LMNA: variants seen among roughly 807,000 people sequenced by gnomAD.
LMNA encodes the protein lamin.
LMNA carries 20 observed loss-of-function variants against 70.4 expected under a neutral mutation model. The observed-to-expected ratio is 0.28, with a 90% CI of 0.20 to 0.41. The LOEUF is 0.41. Ranked by LOEUF, LMNA falls within the 10% of genes least tolerant of loss-of-function variation. The pLI is 1.00. For missense variants in LMNA, 652 were observed against 917.2 expected (o/e 0.71, Z 3.73); for synonymous variants, 339 against 372.8 (o/e 0.91, Z 1.04).
chr1:156,136,253 T>C lies in LMNA; in HGVS notation c.1197T>C (p.Arg399=), dbSNP rs749284229. 6.2e-7 allele frequency: 1 copy of C among 1,612,020 alleles called. No individual in the cohort carries two copies. Among genetic ancestry groups the C allele is most frequent in the Non-Finnish European group, 8.5e-7 (1 of 1,180,022 alleles). The change falls in exon 7 of 12, where the codon CGT becomes CGC. Residue 399 remains arginine, a synonymous_variant. Transcript: ENST00000368300. This position sits in a 1 kb window ranked among gnomAD's most constrained non-coding sequence, Gnocchi z 6.1. ...CCAGCCCTACCTCGCAGCGCAGCCGTGGCCGTGCTTCCTCTCACTCATCCC... is the reference window on the plus strand; with the variant it reads ...CCAGCCCTACCTCGCAGCGCAGCCGCGGCCGTGCTTCCTCTCACTCATCCC... ...LSPSPTSQRS[R]GRASSHSSQT... is the part of the protein sequence containing the mutation.
rs747473102 is a variant in LMNA at position 156,135,338 on chromosome 1, C to T, written c.936+26C>T. The T allele has an allele frequency of 5.6e-6, 9 of 1,609,784 alleles. No homozygotes were observed. The East Asian group carries it at 1.6e-4, about 28-fold the overall frequency. ...GTGATACCCCACCTCACCCCTCTCTCCAGGGGCCTAGAGTCTGGGCCGGAT... is the reference window on the plus strand; with the variant it reads ...GTGATACCCCACCTCACCCCTCTCTTCAGGGGCCTAGAGTCTGGGCCGGAT... On this transcript the variant is annotated intron_variant, in intron 5 of 11. Coordinates refer to ENST00000368300, the MANE Select transcript of LMNA (RefSeq NM_170707.4). This position sits in a 1 kb window ranked among gnomAD's most constrained non-coding sequence, Gnocchi z 4.8.
intron 1 of LMNA, chr1:156,126,560 GC>G: frequency 3.9e-6 from 3 of 774,772 alleles, no homozygotes; most frequent in Non-Finnish European, 7.0e-6. Flanking sequence ...TCCCCAAACA[GC>G]CCCAAGGGCC....
At position 156,134,406 on chromosome 1, in the gene LMNA, G is replaced by A; in HGVS notation, c.517G>A (p.Glu173Lys). The A allele has an allele frequency of 6.2e-7, 1 of 1,614,084 alleles. No homozygotes were observed. Among genetic ancestry groups the A allele is most frequent in the Non-Finnish European group, 8.5e-7 (1 of 1,180,020 alleles). The change falls in exon 3 of 12, where the codon GAG (glutamate) becomes AAG (lysine). Residue 173 changes from glutamate to lysine, a missense_variant. Glu to Lys is a moderately conservative substitution (Grantham distance 56). Coordinates refer to ENST00000368300, the MANE Select transcript of LMNA (RefSeq NM_170707.4). The surrounding 1 kb of genome is among the most constrained non-coding windows in gnomAD (Gnocchi z 5.3). ...HDLRGQVAKL[E>K]AALGEAKKQL... ...ATCTCTGCCTGCTTCCTCACAGCTT[G>A]AGGCAGCCCTAGGTGAGGCCAAGAA...
intron 2 of LMNA, among the ~76,000 whole-genome samples, chr1:156,090,251 G>A (rs1648646853): frequency 6.6e-6 from 1 of 152,164 alleles, no homozygotes; most frequent in Non-Finnish European, 1.5e-5. Flanking sequence ...GAATGAGTAG[G>A]GGAATGAGTG....
Position 156,139,854 on chromosome 1 carries a change from T to G in LMNA, c.*748T>G. On this transcript the variant is annotated 3_prime_UTR_variant, in exon 12 of 12. Coordinates refer to ENST00000368300, the MANE Select transcript of LMNA (RefSeq NM_170707.4). ...GCCTTCCCTAGCTTTAGACCCTGGG[T>G]GGGCTCTGTGCAGTCACTGGAGGTT... is the stretch of plus-strand genomic sequence containing the variant. 6.6e-7 allele frequency: 1 copy of G among 1,507,094 alleles called. No homozygotes were observed. 93.4% of individuals were successfully genotyped at this position (1,507,094 alleles called of 1,614,324 possible).
rs1169412131 is a variant in LMNA, at chr1:156,134,108, C to G, written c.514-295C>G. On this transcript the variant is annotated intron_variant, in intron 2 of 11. Transcript: ENST00000368300. This position sits in a 1 kb window ranked among gnomAD's most constrained non-coding sequence, Gnocchi z 5.3. ...CTCGGCTCACTGCAACCTCCACCTC[C>G]TGGATTCAAGCGATTCTTGTGCCTC... Among the ~76,000 whole-genome samples, 1 of 152,168 alleles carries G rather than the reference C, an allele frequency of 6.6e-6. No individual in the cohort carries two copies. Among genetic ancestry groups the G allele is most frequent in the Non-Finnish European group, 1.5e-5 (1 of 67,998 alleles).
chr1:156,137,259 G>A lies in LMNA; in HGVS notation c.1608+27G>A. 6.5e-7 allele frequency: 1 copy of A among 1,547,734 alleles called. No homozygotes were observed. The highest frequency in any genetic ancestry group is 8.7e-7 in the Non-Finnish European group (1 of 1,151,328). ...TAAGTAGGCCTGGGCCTGGCTGCTT[G>A]CTGGACGAGGCTCCCCCTGATGGCC... On this transcript the variant is annotated intron_variant, in intron 9 of 11. Transcript: ENST00000368300. This position sits in a 1 kb window ranked among gnomAD's most constrained non-coding sequence, Gnocchi z 4.6.
chr1:156,103,521 T>C lies in LMNA; in HGVS notation c.-206-11192T>C, dbSNP rs577220491. On this transcript the variant is annotated intron_variant, in intron 3 of 12. Coordinates refer to the LMNA transcript ENST00000368301. This position sits in a 1 kb window ranked among gnomAD's most constrained non-coding sequence, Gnocchi z 4.7. ...AAATGGGTGGGAACCTTAAGGATGG[T>C]GGGCAGATGGTGGCCCCCTTGAGGA... 3.9e-5 allele frequency among the ~76,000 whole-genome samples: 6 copies of C among 151,998 alleles called. No homozygotes were observed. Among genetic ancestry groups the C allele is most frequent in the Non-Finnish European group, 7.4e-5 (5 of 67,968 alleles).
intron 1 of LMNA, among the ~76,000 whole-genome samples, chr1:156,129,382 C>A (rs1285235552): frequency 6.6e-6 from 1 of 152,206 alleles, no homozygotes; most frequent in Admixed American, 6.5e-5. Flanking sequence ...GCAAATCTAG[C>A]CTTCCCTATC....
intron 3 of LMNA, among the ~76,000 whole-genome samples, chr1:156,092,569 C>T (rs1345834065): frequency 1.3e-5 from 2 of 151,480 alleles, no homozygotes; most frequent in African/African-American, 4.9e-5. Flanking sequence ...ATCCCAGCTA[C>T]TTGGGAGGCT....
upstream of LMNA, among the ~76,000 whole-genome samples, chr1:156,112,081 G>A (rs1345746209): frequency 6.6e-6 from 1 of 152,158 alleles, no homozygotes; most frequent in Non-Finnish European, 1.5e-5. Context: ...GTGAAATTTG[G>A]GGTGAAAGCC....
In LMNA at chr1:156,130,737, G is replaced by A. The variant is rs1424758064; in HGVS notation, c.477G>A (p.Glu159=). ...STALSEKRTL[E]GELHDLRGQV... Reference sequence around the variant, plus strand: ...CTCTCAGTGAGAAGCGCACGCTGGAGGGCGAGCTGCATGATCTGCGGGGCC... The same window carrying A: ...CTCTCAGTGAGAAGCGCACGCTGGAAGGCGAGCTGCATGATCTGCGGGGCC... The change falls in exon 2 of 12, where the codon GAG becomes GAA. Residue 159 remains glutamate (E), a synonymous_variant. Coordinates refer to ENST00000368300, the MANE Select transcript of LMNA (RefSeq NM_170707.4). The A allele has an allele frequency of 1.9e-6, 3 of 1,605,744 alleles. No homozygotes were observed. The African/African-American group carries it at 4.0e-5, about 21-fold the overall frequency.
At position 156,135,114 on chromosome 1, in the gene LMNA, T is replaced by A; in HGVS notation, c.811-73T>A. ...GGCCCAGGACCTGGGGCTGTAGCAG[T>A]GATGCCCAACTCAGGCCTGTGCCTC... On this transcript the variant is annotated intron_variant, in intron 4 of 11. Transcript: ENST00000368300. The surrounding 1 kb of genome is among the most constrained non-coding windows in gnomAD (Gnocchi z 4.8). 4 of 1,612,370 alleles carry A rather than the reference T, an allele frequency of 2.5e-6. No individual in the cohort carries two copies. The highest frequency in any genetic ancestry group is 3.4e-6 in the Non-Finnish European group (4 of 1,178,906).
rs78229033 is a variant in LMNA at position 156,128,251 on chromosome 1, G to A, written c.357-2366G>A. On this transcript the variant is annotated intron_variant, in intron 1 of 11. Transcript: ENST00000368300. ...TATTATTATTATCACTGCCACCACCGCTTTTGCAAGCAGCAGAAGGTGAAG... is the reference window on the plus strand; with the variant it reads ...TATTATTATTATCACTGCCACCACCACTTTTGCAAGCAGCAGAAGGTGAAG... Among the ~76,000 whole-genome samples the A allele has an allele frequency of 7.2e-3, 1,100 of 152,074 alleles. 10 individuals carry two copies. The highest frequency in any genetic ancestry group is 0.026 in the African/African-American group (1,060 of 41,456).
chr1:156,134,278 C>A lies in LMNA; in HGVS notation c.514-125C>A. 9.4e-7 allele frequency: 1 copy of A among 1,062,872 alleles called. No homozygotes were observed. Among genetic ancestry groups the A allele is most frequent in the Non-Finnish European group, 1.4e-6 (1 of 711,352 alleles). The allele number at this position is 1,062,872 out of a possible 1,614,324, so 65.8% of individuals were successfully genotyped here. A position where few individuals can be genotyped will look rare whatever the true frequency, so the allele number is the denominator to read the frequency against. The stretch of plus-strand genomic sequence containing the variant: ...CCTGACCCCTGCAGGCATCCAAGGC[C>A]CTCCTTCCCTGGACCTGTTTCCACA... On this transcript the variant is annotated intron_variant, in intron 2 of 11. Transcript: ENST00000368300. The surrounding 1 kb of genome is among the most constrained non-coding windows in gnomAD (Gnocchi z 5.3).
rs1352763260 is a variant in LMNA at position 156,114,905 on chromosome 1, C to T, written c.-14C>T. On this transcript the variant is annotated 5_prime_UTR_variant, in exon 1 of 12. Coordinates refer to ENST00000368300, the MANE Select transcript of LMNA (RefSeq NM_170707.4). ...GACCCCTGCCCCGCGGGCAGCGCTGCCAACCTGCCGGCCATGGAGACCCCG... is the reference window on the plus strand; with the variant it reads ...GACCCCTGCCCCGCGGGCAGCGCTGTCAACCTGCCGGCCATGGAGACCCCG... The T allele has an allele frequency of 6.5e-7, 1 of 1,530,910 alleles. No individual in the cohort carries two copies. The highest frequency in any genetic ancestry group is 1.2e-5 in the South Asian group (1 of 81,670). The allele number at this position is 1,530,910 out of a possible 1,614,324, so 94.8% of individuals were successfully genotyped here. A position where few individuals can be genotyped will look rare whatever the true frequency, so the allele number is the denominator to read the frequency against.
rs1433379020 is a variant in LMNA at position 156,136,929 on chromosome 1, C to T, written c.1389C>T (p.Ser463=). 1 of 1,613,734 alleles carries T rather than the reference C, an allele frequency of 6.2e-7. No individual in the cohort carries two copies. Among genetic ancestry groups the T allele is most frequent in the East Asian group, 2.2e-5 (1 of 44,880 alleles). Residue 463 remains serine, a synonymous_variant, in exon 8 of 12, where the codon TCC becomes TCT. Coordinates refer to ENST00000368300, the MANE Select transcript of LMNA (RefSeq NM_170707.4). The surrounding 1 kb of genome is among the most constrained non-coding windows in gnomAD (Gnocchi z 6.1). ...RLRNKSNEDQ[S]MGNWQIKRQN... ...CCCTATCTTCCCGGCAGGACCAGTC[C>T]ATGGGCAATTGGCAGATCAAGCGCC...
intron 1 of LMNA, among the ~76,000 whole-genome samples, chr1:156,123,943 C>G (rs1326045762): frequency 6.6e-6 from 1 of 152,192 alleles, no homozygotes; most frequent in Non-Finnish European, 1.5e-5. Flanking sequence ...TCTCTCAGCA[C>G]CAGTTCTCCC....
rs1284539486 is a variant in LMNA at position 156,138,062 on chromosome 1, C to T, written c.1698+319C>T. Reference sequence around the variant, plus strand: ...GAGGACAGACGTGGGGCATGCCCGCCCTGCCTCTCTCCCCCATTCTTGTTG... The same window carrying T: ...GAGGACAGACGTGGGGCATGCCCGCTCTGCCTCTCTCCCCCATTCTTGTTG... On this transcript the variant is annotated intron_variant, in intron 10 of 11. Transcript: ENST00000368300. This position sits in a 1 kb window ranked among gnomAD's most constrained non-coding sequence, Gnocchi z 5.5. 1.8e-6 allele frequency: 1 copy of T among 547,456 alleles called. No individual in the cohort carries two copies. Among genetic ancestry groups the T allele is most frequent in the East Asian group, 3.2e-5 (1 of 31,276 alleles). The allele number at this position is 547,456 out of a possible 1,614,324, so 33.9% of individuals were successfully genotyped here.
Sources: gnomAD v4.1 joint callset for allele counts (sites outside exome capture counted in the v4.1 genomes callset) on GRCh38, gnomAD v4.1.1 for gene constraint, Gnocchi (gnomAD v3.1) non-coding constraint, MANE v1.5 for transcripts, NCBI Gene and HGNC (gene_info 2026-07-23, HGNC 2026-07-21) for gene names.